Variants in LRP1B observed in about 807,000 individuals in gnomAD.
LRP1B encodes the protein low-density lipoprotein receptor-related protein 1B.
LRP1B carries 217 observed loss-of-function variants against 556.6 expected under a neutral mutation model. That is an observed-to-expected ratio of 0.39 (90% CI 0.35 to 0.44). The LOEUF is 0.44. Among genes scored for constraint, LRP1B ranks in the 20% least tolerant of loss-of-function variants. The probability of loss-of-function intolerance (pLI) is 1.00; values close to 1 mark genes in which losing one functional copy is unlikely to be tolerated. For synonymous variants in LRP1B, 2,047 were observed against 1,865.8 expected (o/e 1.10, Z -2.50); for missense variants, 5,053 against 5,620.8 (o/e 0.90, Z 3.23).
At chr2:141,976,363 CT>C (rs1701887164) in intron 1 of LRP1B, among the ~76,000 whole-genome samples, 1 of 152,026 alleles carries the variant, frequency 6.6e-6, no homozygotes, top group Non-Finnish European at 1.5e-5. Context: ...TGCAGTTTTG[CT>C]TTTTTTAAAT....
chr2:141,339,156 T>C (rs1687955364), intron 3 of LRP1B, among the ~76,000 whole-genome samples: 1 of 152,146 alleles, frequency 6.6e-6, no homozygotes, highest in Non-Finnish European at 1.5e-5. Flanking sequence ...TCTGGTGTTT[T>C]TTTATATGAC....
intron 1 of LRP1B, among the ~76,000 whole-genome samples, chr2:142,102,461 C>T (rs1478938943): frequency 6.7e-6 from 1 of 150,372 alleles, no homozygotes; most frequent in Non-Finnish European, 1.5e-5. Context: ...CTCCTAGGAA[C>T]CTAGGAAAGA....
intron 2 of LRP1B, among the ~76,000 whole-genome samples, chr2:141,801,588 A>G (rs996256134): frequency 1.5e-4 from 23 of 152,204 alleles, no homozygotes; most frequent in Non-Finnish European, 7.3e-5. Flanking sequence ...CCCATCATCT[A>G]TCAATACTTG....
At chr2:141,408,114 A>C (rs1690706008) in intron 3 of LRP1B, among the ~76,000 whole-genome samples, 1 of 150,716 alleles carries the variant, frequency 6.6e-6, no homozygotes, top group Non-Finnish European at 1.5e-5. Context: ...ATATGCTTTT[A>C]ATTAAAAATG....
chr2:140,823,850 C>T (rs185451939), intron 31 of LRP1B, among the ~76,000 whole-genome samples: 1 of 151,848 alleles, frequency 6.6e-6, no homozygotes, highest in African/African-American at 2.4e-5. Flanking sequence ...AACCAAATAA[C>T]ACATGTTCTC....
At chr2:141,035,422 A>C (rs1177774962) in intron 11 of LRP1B, among the ~76,000 whole-genome samples, 9 of 151,998 alleles carry the variant, frequency 5.9e-5, no homozygotes, top group Admixed American at 5.9e-4. Flanking sequence ...AAGTTGAATT[A>C]TTTGCTTAGC....
intron 35 of LRP1B, among the ~76,000 whole-genome samples, chr2:140,738,743 T>C (rs183468764): frequency 2.4e-3 from 366 of 152,252 alleles, no homozygotes; most frequent in African/African-American, 8.5e-3. Context: ...TCTATCGCCA[T>C]CTTTACTCAC....
At chr2:141,160,899 T>C (rs1359644042) in intron 7 of LRP1B, among the ~76,000 whole-genome samples, 1 of 151,618 alleles carries the variant, frequency 6.6e-6, no homozygotes, top group Non-Finnish European at 1.5e-5. Context: ...CAAAAAAGGG[T>C]GCATGTGAAT....
intron 3 of LRP1B, among the ~76,000 whole-genome samples, chr2:141,304,511 G>C (rs571900104): frequency 8.7e-6 from 1 of 114,290 alleles, no homozygotes; most frequent in Non-Finnish European, 1.7e-5. Context: ...ATGGAGTCTC[G>C]TTCTGCCACC....
chr2:141,047,530 A>G (rs370748543), intron 11 of LRP1B, among the ~76,000 whole-genome samples: 18 of 152,156 alleles, frequency 1.2e-4, no homozygotes, highest in African/African-American at 3.9e-4. Context: ...TCTCATCTCA[A>G]TAAAGTTCTG....
intron 41 of LRP1B, among the ~76,000 whole-genome samples, chr2:140,640,376 CTGTTT>C (rs1684241347): frequency 1.7e-5 from 2 of 118,132 alleles, no homozygotes; most frequent in Admixed American, 2.0e-4. Context: ...TTCCCTTGTC[CTGTTT>C]TCTTTTTTTT....
At chr2:141,549,263 G>A (rs1235120320) in intron 2 of LRP1B, among the ~76,000 whole-genome samples, 1 of 152,120 alleles carries the variant, frequency 6.6e-6, no homozygotes, top group Admixed American at 6.6e-5. Context: ...ACCTCATGAC[G>A]TTATCGTGAG....
chr2:141,005,510 T>C (rs1303076041), intron 14 of LRP1B, 53 bp from the exon 15 acceptor site: 31 of 1,588,024 alleles, frequency 2.0e-5, no homozygotes, highest in Non-Finnish European at 2.6e-5. Flanking sequence ...ACGTTCTTTC[T>C]AGGAGGTGAA....
intron 29 of LRP1B, among the ~76,000 whole-genome samples, chr2:140,844,739 C>T (rs756308660): frequency 6.6e-6 from 1 of 152,060 alleles, no homozygotes; most frequent in Admixed American, 6.6e-5. Flanking sequence ...CTGAAAAGTC[C>T]TTTATTGCCA....
intron 7 of LRP1B, among the ~76,000 whole-genome samples, chr2:141,068,823 T>G (rs1157729951): frequency 2.0e-5 from 3 of 152,042 alleles, no homozygotes; most frequent in Non-Finnish European, 4.4e-5. Context: ...CATTCCTATA[T>G]ATCATTCTAC....
intron 3 of LRP1B, among the ~76,000 whole-genome samples, chr2:141,345,654 T>C (rs1688226295): frequency 9.6e-6 from 1 of 104,314 alleles, no homozygotes; most frequent in Admixed American, 9.5e-5. Flanking sequence ...CATACCTGGC[T>C]AATTTTTTTT....
intron 1 of LRP1B, among the ~76,000 whole-genome samples, chr2:142,057,255 T>G (rs1351252477): frequency 6.6e-6 from 1 of 152,128 alleles, no homozygotes; most frequent in Admixed American, 6.6e-5. Context: ...ATAGAAAGCC[T>G]GAATGGAAAT....
chr2:140,475,355 T>C lies in LRP1B; in HGVS notation c.9426-18A>G. On this transcript the variant is annotated intron_variant, in intron 59 of 90. Coordinates refer to ENST00000389484, the MANE Select transcript of LRP1B (RefSeq NM_018557.3). ...ACAAATATCTAGGAAAGAAAATCAATACTGATTTTGTTTACAGATTCTCTG... is the reference window on the plus strand; with the variant it reads ...ACAAATATCTAGGAAAGAAAATCAACACTGATTTTGTTTACAGATTCTCTG... 1.9e-6 allele frequency: 3 copies of C among 1,540,588 alleles called. No homozygotes were observed. Among genetic ancestry groups the C allele is most frequent in the Middle Eastern group, 3.5e-4 (2 of 5,766 alleles).
intron 43 of LRP1B, among the ~76,000 whole-genome samples, chr2:140,575,199 G>C (rs1388944455): frequency 3.3e-5 from 5 of 152,164 alleles, no homozygotes; most frequent in Non-Finnish European, 7.3e-5. Flanking sequence ...TTAGGGGTGA[G>C]AGAGGAACTA....
Sources: allele counts gnomAD v4.1 joint callset (sites outside exome capture counted in the v4.1 genomes callset), GRCh38; gene constraint gnomAD v4.1.1; transcripts MANE v1.5; gene names NCBI Gene and HGNC (gene_info 2026-07-23, HGNC 2026-07-21).